The following KLHL35 variants were observed in gnomAD, a reference collection of about 807,000 sequenced individuals.
KLHL35 encodes the protein kelch like family member 35, also known as kelch-like protein 35.
Under a neutral mutation model 44.0 loss-of-function variants are expected in KLHL35, and 50 were observed. The observed-to-expected ratio is 1.14, with a 90% CI of 0.91 to 1.44. KLHL35 has a LOEUF of 1.44. Ranked by LOEUF, KLHL35 falls within the 40% of genes most tolerant of loss-of-function variation. KLHL35 has a pLI of 0.00. For synonymous variants in KLHL35, 470 were observed against 410.4 expected (o/e 1.15, Z -1.76); for missense variants, 1,049 against 887.8 (o/e 1.18, Z -2.31).
chr11:75,426,502 G>GCTGCAGCTCGTGCCTACCTGCCC lies in KLHL35; in HGVS notation c.1180_1185+17dup. 7 of 1,533,260 alleles carry GCTGCAGCTCGTGCCTACCTGCCC rather than the reference G, an allele frequency of 4.6e-6. No homozygotes were observed. Among genetic ancestry groups the GCTGCAGCTCGTGCCTACCTGCCC allele is most frequent in the Non-Finnish European group, 6.2e-6 (7 of 1,126,732 alleles). 95.0% of individuals were successfully genotyped at this position (1,533,260 alleles called of 1,614,324 possible). Reference sequence around the variant, plus strand: ...CTGTACCTTGTGTCCCAGGGCAGCCGCTGCAGCTCGTGCCTACCTGCCCCT... The same window carrying GCTGCAGCTCGTGCCTACCTGCCC: ...CTGTACCTTGTGTCCCAGGGCAGCCGCTGCAGCTCGTGCCTACCTGCCCCTGCAGCTCGTGCCTACCTGCCCCT... On this transcript the variant is annotated intron_variant, in intron 4 of 6. Transcript: ENST00000539798.
rs570502 is a variant in KLHL35, at chr11:75,433,023, C to T, written c.-2+20G>A. On this transcript the variant is annotated intron_variant, in intron 1 of 6. Coordinates refer to ENST00000539798, the MANE Select transcript of KLHL35 (RefSeq NM_001039548.3). Reference sequence around the variant, plus strand: ...GTCAGCCCTGCAGCCTAAGCCTTGCCCCATGCACCTGGCACTTACCTGGCC... The same window carrying T: ...GTCAGCCCTGCAGCCTAAGCCTTGCTCCATGCACCTGGCACTTACCTGGCC... Among the ~76,000 whole-genome samples the T allele has an allele frequency of 0.71, 107,789 of 152,068 alleles. 38,722 individuals are homozygous for T. Among genetic ancestry groups the T allele is most frequent in the African/African-American group, 0.81 (33,596 of 41,496 alleles).
Position 75,430,205 on chromosome 11 carries a change from C to A in KLHL35, c.425G>T (p.Cys142Phe). 1 of 1,237,612 alleles carries A rather than the reference C, an allele frequency of 8.1e-7. No individual in the cohort carries two copies. Among genetic ancestry groups the A allele is most frequent in the Non-Finnish European group, 1.0e-6 (1 of 986,762 alleles). 76.7% of individuals were successfully genotyped at this position (1,237,612 alleles called of 1,614,324 possible). ...RLGVAGLREACVRFLEGRLRA... is the reference protein window; with the variant it reads ...RLGVAGLREAFVRFLEGRLRA... Reference sequence around the variant, plus strand: ...CAGGCGGCCCTCGAGAAAGCGCACGCAGGCCTCGCGCAGGCCCGCCACGCC... The same window carrying A: ...CAGGCGGCCCTCGAGAAAGCGCACGAAGGCCTCGCGCAGGCCCGCCACGCC... Residue 142 changes from cysteine (C) to phenylalanine (F), a missense_variant, in exon 2 of 7, where the codon TGC (cysteine) becomes TTC (phenylalanine). Transcript: ENST00000539798.
intron 2 of KLHL35, among the ~76,000 whole-genome samples, 198 bp downstream of exon 2, chr11:75,429,551 A>T: frequency 6.6e-6 from 1 of 152,266 alleles, no homozygotes; most frequent in East Asian, 1.9e-4. Flanking sequence ...GAGTGTGCGC[A>T]GCTGTGGGGT....
chr11:75,426,511 C>T lies in KLHL35; in HGVS notation c.1185+9G>A, dbSNP rs746042405. On this transcript the variant is annotated intron_variant, in intron 4 of 6. Coordinates refer to ENST00000539798, the MANE Select transcript of KLHL35 (RefSeq NM_001039548.3). ...GTGTCCCAGGGCAGCCGCTGCAGCT[C>T]GTGCCTACCTGCCCCTGCACAACTG... 1.6e-5 allele frequency: 25 copies of T among 1,563,118 alleles called. No individual in the cohort carries two copies. In the East Asian group the frequency reaches 3.0e-4, roughly 19 times the overall value.
chr11:75,430,497 G>A lies in KLHL35; in HGVS notation c.133C>T (p.Leu45=), dbSNP rs1220736472. Reference sequence around the variant, plus strand: ...GGAAAGTCGCGCCCGCCGGCGCGCAGCACCACGTCGGTGAGGGTGCCGCTC... The same window carrying A: ...GGAAAGTCGCGCCCGCCGGCGCGCAACACCACGTCGGTGAGGGTGCCGCTC... ...RRSGTLTDVV[L]RAGGRDFPCH... is the part of the protein sequence containing the mutation. Residue 45 remains leucine, a synonymous_variant, in exon 2 of 7, where the codon CTG becomes TTG. Transcript: ENST00000539798. The A allele has an allele frequency of 7.0e-7, 1 of 1,432,660 alleles. No homozygotes were observed. Among genetic ancestry groups the A allele is most frequent in the Admixed American group, 2.8e-5 (1 of 36,102 alleles). The allele number at this position is 1,432,660 out of a possible 1,614,324, so 88.7% of individuals were successfully genotyped here.
At position 75,429,902 on chromosome 11, in the gene KLHL35, C is replaced by A; in HGVS notation, c.728G>T (p.Arg243Leu). 6.6e-7 allele frequency: 1 copy of A among 1,505,784 alleles called. No individual in the cohort carries two copies. Among genetic ancestry groups the A allele is most frequent in the Non-Finnish European group, 8.8e-7 (1 of 1,137,454 alleles). 93.3% of individuals were successfully genotyped at this position (1,505,784 alleles called of 1,614,324 possible). A position where few individuals can be genotyped will look rare whatever the true frequency, so the allele number is the denominator to read the frequency against. The change falls in exon 2 of 7, where the codon CGC becomes CTC. Residue 243 changes from arginine (R) to leucine (L), a missense_variant. Physicochemically the swap from Arg to Leu is moderately radical, Grantham distance 102. Transcript: ENST00000539798. ...GTAAGCGGGCGCCAGTAGCGGCAGG[C>A]GCACGTGCTCCAGCAGGCGTCGCAG... ...GQLRRLLEHV[R>L]LPLLAPAYFL... is the part of the protein sequence containing the mutation.
In KLHL35 at chr11:75,429,859, C is replaced by G; in HGVS notation, c.771G>C (p.Glu257Asp). Reference sequence around the variant, plus strand: ...CGCAGGCCTGCAGCAGCTCGTCCGCCTCCACCTTCTCCAGGAAGTAAGCGG... The same window carrying G: ...CGCAGGCCTGCAGCAGCTCGTCCGCGTCCACCTTCTCCAGGAAGTAAGCGG... ...LAPAYFLEKV[E>D]ADELLQACGE... is the part of the protein sequence containing the mutation. Residue 257 changes from glutamate to aspartate, a missense_variant, in exon 2 of 7, where the codon GAG becomes GAC. Coordinates refer to ENST00000539798, the MANE Select transcript of KLHL35 (RefSeq NM_001039548.3). 1 of 1,518,534 alleles carries G rather than the reference C, an allele frequency of 6.6e-7. No homozygotes were observed. Among genetic ancestry groups the G allele is most frequent in the Non-Finnish European group, 8.8e-7 (1 of 1,142,738 alleles). The allele number at this position is 1,518,534 out of a possible 1,614,324, so 94.1% of individuals were successfully genotyped here. A position where few individuals can be genotyped will look rare whatever the true frequency, so the allele number is the denominator to read the frequency against.
rs947893424 is a variant in KLHL35 at position 75,428,580 on chromosome 11, G to A, written c.928C>T (p.Arg310Cys). 19 of 1,605,290 alleles carry A rather than the reference G, an allele frequency of 1.2e-5. No homozygotes were observed. Among genetic ancestry groups the A allele is most frequent in the African/African-American group, 5.3e-5 (4 of 74,894 alleles). ...AAGGGCAGCTTCAGGAGACCTTTGC[G>A]GTCGCAACCGCCGATGACCACGATC... ...EVIVVIGGCD[R>C]KGLLKLPFAD... The change falls in exon 3 of 7, where the codon CGC becomes TGC. Residue 310 changes from arginine to cysteine, a missense_variant. Transcript: ENST00000539798.
Position 75,425,516 on chromosome 11 carries a change from G to T in KLHL35, c.1251C>A (p.Phe417Leu), listed in dbSNP as rs771036611. 2.2e-5 allele frequency: 34 copies of T among 1,564,142 alleles called. No individual in the cohort carries two copies. The highest frequency in any genetic ancestry group is 4.3e-6 in the Non-Finnish European group (5 of 1,162,966). Residue 417 changes from phenylalanine to leucine, a missense_variant, in exon 5 of 7, where the codon TTC becomes TTA. By Grantham distance (22) the Phe-to-Leu change is conservative. Coordinates refer to ENST00000539798, the MANE Select transcript of KLHL35 (RefSeq NM_001039548.3). The part of the protein sequence containing the change: ...RLHSVERYDP[F>L]SNTWAAAAPL... Reference sequence around the variant, plus strand: ...GCGCGGCGGCCGCCCAGGTGTTGGAGAAGGGGTCGTAGCGCTCCACGCTGT... The same window carrying T: ...GCGCGGCGGCCGCCCAGGTGTTGGATAAGGGGTCGTAGCGCTCCACGCTGT...
Position 75,430,579 on chromosome 11 carries a change from C to T in KLHL35, c.51G>A (p.Pro17=), listed in dbSNP as rs1200052951. ...GCTGCGCGTGGCACGGACCCGCGCA[C>T]GGCGCTTCGCAGCCCGGCTCCGACT... is the stretch of plus-strand genomic sequence containing the variant. The part of the protein sequence containing the change: ...PEESEPGCEA[P]CAGPCHAQRV... Residue 17 remains proline (P), a synonymous_variant, in exon 2 of 7, where the codon CCG becomes CCA. Transcript: ENST00000539798. 2.8e-6 allele frequency: 4 copies of T among 1,445,878 alleles called. No homozygotes were observed. The highest frequency in any genetic ancestry group is 1.4e-5 in the South Asian group (1 of 73,946). The allele number at this position is 1,445,878 out of a possible 1,614,324, so 89.6% of individuals were successfully genotyped here. A position where few individuals can be genotyped will look rare whatever the true frequency, so the allele number is the denominator to read the frequency against.
At chr11:75,425,791 T>C (rs1948486661) in intron 4 of KLHL35, 6 of 439,120 alleles carry the variant, frequency 1.4e-5, no homozygotes, top group Non-Finnish European at 2.4e-5. Flanking sequence ...TCCTCTCATT[T>C]AGCGGGGATG....
chr11:75,426,124 T>A (rs1948490056), intron 4 of KLHL35: 1 of 159,550 alleles, frequency 6.3e-6, no homozygotes. Flanking sequence ...CCGAGCTAAT[T>A]TTTTGTATTT....
At position 75,425,041 on chromosome 11, in the gene KLHL35, GT is replaced by G. The variant is rs56369585; in HGVS notation, c.1374+351del. The G allele has an allele frequency of 9.1e-3, 1,859 of 203,454 alleles. 2 individuals are homozygous for G. The highest frequency in any genetic ancestry group is 0.033 in the Middle Eastern group (19 of 578). 12.6% of individuals were successfully genotyped at this position (203,454 alleles called of 1,614,324 possible). On this transcript the variant is annotated intron_variant, in intron 5 of 6. Coordinates refer to ENST00000539798, the MANE Select transcript of KLHL35 (RefSeq NM_001039548.3). ...CTCTGCCTAGACGGTGGGATTATGG[GT>G]TTTTTTTTTTTCTATTTTTCTGTGT... is the stretch of plus-strand genomic sequence containing the variant.
chr11:75,432,974 G>C (rs1362506552), intron 1 of KLHL35, among the ~76,000 whole-genome samples, 69 bp downstream of exon 1: 2 of 152,204 alleles, frequency 1.3e-5, no homozygotes, highest in African/African-American at 4.8e-5. Flanking sequence ...CCCCATCTCA[G>C]ACTTGCGGAC....
At chr11:75,429,275 G>C (rs934180562) in intron 2 of KLHL35, among the ~76,000 whole-genome samples, 1 of 152,170 alleles carries the variant, frequency 6.6e-6, no homozygotes, top group Non-Finnish European at 1.5e-5. Flanking sequence ...CTCTGTCCCA[G>C]GCCCTGTGCT....
Position 75,430,275 on chromosome 11 carries a change from C to G in KLHL35, c.355G>C (p.Ala119Pro), listed in dbSNP as rs1284894462. 1.7e-6 allele frequency: 2 copies of G among 1,205,600 alleles called. No individual in the cohort carries two copies. The highest frequency in any genetic ancestry group is 1.0e-6 in the Non-Finnish European group (1 of 974,028). 74.7% of individuals were successfully genotyped at this position (1,205,600 alleles called of 1,614,324 possible). A position where few individuals can be genotyped will look rare whatever the true frequency, so the allele number is the denominator to read the frequency against. ...AGCACGGCCGCCGCCTCGTCCTCCG[C>G]GCGCAGCCGCACGCCCGCTCCGTAC... ...YVYGAGVRLR[A>P]EDEAAAVLAL... The change falls in exon 2 of 7, where the codon GCG becomes CCG. Residue 119 changes from alanine to proline, a missense_variant. Transcript: ENST00000539798.
intron 1 of KLHL35, among the ~76,000 whole-genome samples, chr11:75,431,732 T>C (rs1948538708): frequency 6.6e-6 from 1 of 152,170 alleles, no homozygotes; most frequent in East Asian, 1.9e-4. Context: ...TTATCTCATC[T>C]GAAATGGGAT....
chr11:75,425,686 C>T (rs572565923), intron 4 of KLHL35, 105 bp from the exon 5 acceptor site: 2 of 1,091,742 alleles, frequency 1.8e-6, no homozygotes, highest in East Asian at 3.2e-5. Flanking sequence ...TATCCCTGTC[C>T]CCAACCCAGT....
intron 3 of KLHL35, among the ~76,000 whole-genome samples, chr11:75,427,198 CCTG>C (rs1350991936): frequency 6.6e-6 from 1 of 152,220 alleles, no homozygotes. Flanking sequence ...CCAACAATGA[CCTG>C]CTGAAGACTA....
Sources: gnomAD v4.1 joint callset for allele counts (sites outside exome capture counted in the v4.1 genomes callset) on GRCh38, gnomAD v4.1.1 for gene constraint, MANE v1.5 for transcripts, NCBI Gene and HGNC (gene_info 2026-07-23, HGNC 2026-07-21) for gene names.